Variants in MACROD2 observed in about 807,000 individuals in gnomAD.
The protein encoded by MACROD2 is mono-ADP ribosylhydrolase 2.
MACROD2 carries 36 observed loss-of-function variants against 70.4 expected under a neutral mutation model. The observed-to-expected ratio is 0.51, with a 90% confidence interval of 0.39 to 0.68. MACROD2 has a LOEUF of 0.68. MACROD2 is among the 30% of genes least tolerant of loss of function. The pLI is 0.00. For synonymous variants in MACROD2, 172 were observed against 178.8 expected (o/e 0.96, Z 0.30); for missense variants, 496 against 538.4 (o/e 0.92, Z 0.78).
intron 5 of MACROD2, among the ~76,000 whole-genome samples, chr20:15,051,238 C>CA (rs1349942851): frequency 6.6e-6 from 1 of 152,032 alleles, no homozygotes; most frequent in African/African-American, 2.4e-5. Flanking sequence ...ATTTTTGGAA[C>CA]ATTTTTTGAT....
chr20:14,837,909 G>A (rs890265625), intron 5 of MACROD2, among the ~76,000 whole-genome samples: 11 of 150,320 alleles, frequency 7.3e-5, no homozygotes, highest in African/African-American at 2.7e-4. Flanking sequence ...TTCCCCCTGA[G>A]GGAAATGTCA....
chr20:14,218,858 G>T (rs1461446284), intron 3 of MACROD2, among the ~76,000 whole-genome samples: 7 of 152,198 alleles, frequency 4.6e-5, no homozygotes, highest in Admixed American at 4.6e-4. Flanking sequence ...CTGAAGATAA[G>T]TCCCCAATTG....
intron 4 of MACROD2, among the ~76,000 whole-genome samples, chr20:14,659,115 A>T (rs1244240410): frequency 6.6e-6 from 1 of 152,088 alleles, no homozygotes; most frequent in Non-Finnish European, 1.5e-5. Context: ...CTGAGATCAC[A>T]CTGTGGGAAC....
intron 4 of MACROD2, among the ~76,000 whole-genome samples, chr20:14,544,231 CT>C (rs11318084): frequency 0.12 from 17,492 of 143,604 alleles, 1,320 homozygotes; most frequent in South Asian, 0.34. Context: ...ATGATTCCTT[CT>C]TTTTTTTTTT....
intron 5 of MACROD2, among the ~76,000 whole-genome samples, chr20:14,825,438 G>A (rs1015069564): frequency 2.6e-5 from 4 of 152,114 alleles, no homozygotes; most frequent in East Asian, 1.9e-4. Context: ...TATAACAAGG[G>A]CATTAAAATA....
chr20:14,730,058 A>G (rs192036166), intron 5 of MACROD2, among the ~76,000 whole-genome samples: 140 of 152,276 alleles, frequency 9.2e-4, no homozygotes, highest in Non-Finnish European at 1.6e-3. Context: ...AAGACCTGGC[A>G]AACTAGAAGA....
intron 6 of MACROD2, among the ~76,000 whole-genome samples, chr20:15,410,755 C>T (rs1043638727): frequency 8.5e-5 from 13 of 152,080 alleles, no homozygotes; most frequent in African/African-American, 2.4e-4. Flanking sequence ...TCTGCAAGCA[C>T]GCTTGCAGGA....
At chr20:15,132,824 A>T (rs1049969280) in intron 5 of MACROD2, among the ~76,000 whole-genome samples, 10 of 152,112 alleles carry the variant, frequency 6.6e-5, no homozygotes, top group African/African-American at 2.4e-4. Context: ...TTTAAAATAC[A>T]TCAGGAAGTT....
At chr20:15,126,190 G>A (rs2076065804) in intron 5 of MACROD2, among the ~76,000 whole-genome samples, 1 of 130,322 alleles carries the variant, frequency 7.7e-6, no homozygotes, top group African/African-American at 2.9e-5. Context: ...ATGAACATAT[G>A]TTTTCAGTTA....
At position 15,073,215 on chromosome 20, in the gene MACROD2, C is replaced by T. The variant is rs140402914; in HGVS notation, c.419-156725C>T. 3.3e-5 allele frequency among the ~76,000 whole-genome samples: 5 copies of T among 152,148 alleles called. No homozygotes were observed. The East Asian group carries it at 9.6e-4, about 29-fold the overall frequency. On this transcript the variant is annotated intron_variant, in intron 5 of 17. Transcript: ENST00000684519. ...CATGAAGGAGAAGTGATAATAAAGA[C>T]AAGCTTAAAGCTATCTATATTTGAA... is the stretch of plus-strand genomic sequence containing the variant.
intron 8 of MACROD2, among the ~76,000 whole-genome samples, chr20:15,582,620 A>C (rs1666286528): frequency 6.6e-6 from 1 of 152,136 alleles, no homozygotes; most frequent in Non-Finnish European, 1.5e-5. Context: ...CTAGAATTCT[A>C]CTTCTTTTAT....
intron 3 of MACROD2, among the ~76,000 whole-genome samples, chr20:14,268,564 G>T (rs1056419778): frequency 1.3e-5 from 2 of 152,196 alleles, no homozygotes; most frequent in African/African-American, 4.8e-5. Context: ...TTCCATAGAT[G>T]ATGGTATATA....
At chr20:15,470,580 T>G (rs1426714277) in intron 7 of MACROD2, among the ~76,000 whole-genome samples, 1 of 152,188 alleles carries the variant, frequency 6.6e-6, no homozygotes. Context: ...TTTCTTGTCC[T>G]GCAGAGATAC....
rs2067471975 is a variant in MACROD2, at chr20:16,052,534, G to C, written c.*2658G>C. On this transcript the variant is annotated 3_prime_UTR_variant, in exon 18 of 18. Transcript: ENST00000684519. ...TCACCATAATAGTTCTAATTAAAAT[G>C]GTCCTCGCTGTAGGAGAGACAAAGG... 6.6e-6 allele frequency: 1 copy of C among 152,588 alleles called. No homozygotes were observed. The highest frequency in any genetic ancestry group is 2.4e-5 in the African/African-American group (1 of 41,444). 9.5% of individuals were successfully genotyped at this position (152,588 alleles called of 1,614,324 possible).
intron 5 of MACROD2, among the ~76,000 whole-genome samples, chr20:14,748,087 T>C (rs73264603): frequency 0.046 from 7,043 of 152,146 alleles, 580 homozygotes; most frequent in African/African-American, 0.16. Context: ...AAGATTCTCA[T>C]AGGAGGATCC....
At chr20:14,208,721 T>C (rs527349757) in intron 3 of MACROD2, among the ~76,000 whole-genome samples, 1 of 152,274 alleles carries the variant, frequency 6.6e-6, no homozygotes, top group South Asian at 2.1e-4. Context: ...TTTGTGCTGA[T>C]TAGAGTTGGT....
At chr20:15,461,160 A>C (rs2046814110) in intron 7 of MACROD2, among the ~76,000 whole-genome samples, 1 of 151,434 alleles carries the variant, frequency 6.6e-6, no homozygotes, top group East Asian at 1.9e-4. Context: ...GGCACATGCC[A>C]CCATGCCTGG....
chr20:15,003,353 A>G (rs1214744117), intron 5 of MACROD2, among the ~76,000 whole-genome samples: 2 of 152,188 alleles, frequency 1.3e-5, no homozygotes, highest in Non-Finnish European at 2.9e-5. Flanking sequence ...AGGGCCTTCT[A>G]GCTTCCTTGC....
chr20:16,003,621 C>T (rs2066745802), intron 15 of MACROD2, among the ~76,000 whole-genome samples: 1 of 152,164 alleles, frequency 6.6e-6, no homozygotes, highest in South Asian at 2.1e-4. Context: ...TTTCAGTGCC[C>T]TATCCCTCAA....
Sources: gnomAD v4.1 joint callset for allele counts (sites outside exome capture counted in the v4.1 genomes callset) on GRCh38, gnomAD v4.1.1 for gene constraint, MANE v1.5 for transcripts, NCBI Gene and HGNC (gene_info 2026-07-23, HGNC 2026-07-21) for gene names.